EGLN3: variants seen among roughly 807,000 people sequenced by gnomAD.
The protein encoded by EGLN3 is egl-9 family hypoxia inducible factor 3, also known as prolyl hydroxylase EGLN3.
A neutral mutation model predicts 26.0 loss-of-function variants in EGLN3; 15 were observed. That is an observed-to-expected ratio of 0.58 (90% confidence interval 0.39 to 0.89). EGLN3 has a LOEUF of 0.89. Among genes scored for constraint, EGLN3 ranks in the 40% least tolerant of loss-of-function variants. EGLN3 has a pLI of 0.00. For synonymous variants in EGLN3, 147 were observed against 127.2 expected (o/e 1.16, Z -1.05); for missense variants, 238 against 311.6 (o/e 0.76, Z 1.78).
intron 1 of EGLN3, among the ~76,000 whole-genome samples, chr14:33,946,585 C>A (rs2064520090): frequency 6.6e-6 from 1 of 152,020 alleles, no homozygotes; most frequent in African/African-American, 2.4e-5. Flanking sequence ...GCACAGCATC[C>A]CACACAGGCT....
rs539083471 is a variant in EGLN3, at chr14:33,933,319, A to T, written c.358-2104T>A. ...TCAGCTCAGATTAAAATATTGAAAAAAAAAAAAAAGATGGATACAAACTCA... is the reference window on the plus strand; with the variant it reads ...TCAGCTCAGATTAAAATATTGAAAATAAAAAAAAAGATGGATACAAACTCA... On this transcript the variant is annotated intron_variant, in intron 1 of 4. Transcript: ENST00000250457. 3.3e-4 allele frequency among the ~76,000 whole-genome samples: 50 copies of T among 151,726 alleles called. No individual in the cohort carries two copies. In the Middle Eastern group the frequency reaches 0.01, roughly 31 times the overall value.
At chr14:33,931,780 G>A (rs190014864) in intron 1 of EGLN3, among the ~76,000 whole-genome samples, 27 of 152,302 alleles carry the variant, frequency 1.8e-4, no homozygotes, top group South Asian at 4.1e-4. Flanking sequence ...ATAGGAAGCC[G>A]CACCCTAACT....
intron 1 of EGLN3, among the ~76,000 whole-genome samples, chr14:33,940,817 T>G (rs746980793): frequency 6.6e-6 from 1 of 152,176 alleles, no homozygotes; most frequent in Non-Finnish European, 1.5e-5. Flanking sequence ...CTCTGGCAGT[T>G]TCTGGCATCA....
chr14:33,941,703 T>A (rs1285369984), intron 1 of EGLN3, among the ~76,000 whole-genome samples: 1 of 152,156 alleles, frequency 6.6e-6, no homozygotes, highest in Non-Finnish European at 1.5e-5. Context: ...CTTAACAGTC[T>A]CTGCATTCAA....
intron 2 of EGLN3, among the ~76,000 whole-genome samples, chr14:33,930,238 CCT>C (rs2064392675): frequency 6.6e-6 from 1 of 152,142 alleles, no homozygotes; most frequent in African/African-American, 2.4e-5. Context: ...TCTATCAGCA[CCT>C]CTCAAGATTT....
intron 1 of EGLN3, among the ~76,000 whole-genome samples, chr14:33,934,996 T>TC (rs2064431286): frequency 6.6e-6 from 1 of 152,346 alleles, no homozygotes; most frequent in East Asian, 1.9e-4. Context: ...AAATGCTAGA[T>TC]CCCCTCCAGC....
chr14:33,930,985 T>A, intron 2 of EGLN3, 111 bp downstream of exon 2: 2 of 1,432,834 alleles, frequency 1.4e-6, no homozygotes, highest in Non-Finnish European at 1.9e-6. Context: ...AAATGTTTCA[T>A]CAGTGGGAGA....
At chr14:33,945,401 G>A (rs1222825113) in intron 1 of EGLN3, among the ~76,000 whole-genome samples, 1 of 152,170 alleles carries the variant, frequency 6.6e-6, no homozygotes, top group African/African-American at 2.4e-5. Flanking sequence ...CTCCCACTGT[G>A]CCAGACTACG....
intron 1 of EGLN3, 115 bp from the exon 2 acceptor site, chr14:33,931,330 G>A: frequency 4.0e-6 from 6 of 1,483,572 alleles, no homozygotes; most frequent in Non-Finnish European, 2.7e-6. Flanking sequence ...ACATTTACAG[G>A]TAGTTGCTGG....
intron 1 of EGLN3, among the ~76,000 whole-genome samples, chr14:33,945,634 G>A (rs1350799535): frequency 6.6e-6 from 1 of 152,224 alleles, no homozygotes; most frequent in Non-Finnish European, 1.5e-5. Context: ...AAAGATGGAG[G>A]TCATGAGGCT....
At chr14:33,929,762 A>G (rs900727942) in intron 2 of EGLN3, among the ~76,000 whole-genome samples, 5 of 152,214 alleles carry the variant, frequency 3.3e-5, no homozygotes, top group Admixed American at 3.3e-4. Flanking sequence ...GACGTAAAAT[A>G]GAGTACTATT....
chr14:33,950,761 C>A lies in EGLN3; in HGVS notation c.-9G>T. On this transcript the variant is annotated 5_prime_UTR_variant, in exon 1 of 5. Transcript: ENST00000250457. Reference sequence around the variant, plus strand: ...ATGTGTCCCAGGGGCATCTCGCCCGCAGAATCGAGGTCCGGGATCCCCAGC... The same window carrying A: ...ATGTGTCCCAGGGGCATCTCGCCCGAAGAATCGAGGTCCGGGATCCCCAGC... 6.3e-7 allele frequency: 1 copy of A among 1,594,298 alleles called. No individual in the cohort carries two copies. Among genetic ancestry groups the A allele is most frequent in the Non-Finnish European group, 8.6e-7 (1 of 1,166,056 alleles).
chr14:33,945,449 C>T (rs191073421), intron 1 of EGLN3, among the ~76,000 whole-genome samples: 1 of 152,294 alleles, frequency 6.6e-6, no homozygotes, highest in Admixed American at 6.5e-5. Flanking sequence ...GACAATCAGA[C>T]TTTCTCCCAG....
At position 33,950,881 on chromosome 14, in the gene EGLN3, G is replaced by C. The variant is rs1171220655; in HGVS notation, c.-129C>G. The C allele has an allele frequency of 7.6e-6, 6 of 790,746 alleles. No homozygotes were observed. Among genetic ancestry groups the C allele is most frequent in the Non-Finnish European group, 1.2e-5 (6 of 480,924 alleles). The allele number at this position is 790,746 out of a possible 1,614,324, so 49.0% of individuals were successfully genotyped here. A position where few individuals can be genotyped will look rare whatever the true frequency, so the allele number is the denominator to read the frequency against. ...GAAACCTGCGGCTGCCACGGTACCC[G>C]AGCCGCTGCAGCGTCGGGGACAAGG... On this transcript the variant is annotated 5_prime_UTR_variant, in exon 1 of 5. Coordinates refer to ENST00000250457, the MANE Select transcript of EGLN3 (RefSeq NM_022073.4).
intron 1 of EGLN3, among the ~76,000 whole-genome samples, chr14:33,938,836 AC>A (rs1473636409): frequency 6.6e-6 from 1 of 152,216 alleles, no homozygotes; most frequent in Non-Finnish European, 1.5e-5. Flanking sequence ...CCTGAGTCAC[AC>A]CGCTCCAAGT....
chr14:33,939,015 G>C (rs2064461683), intron 1 of EGLN3, among the ~76,000 whole-genome samples: 1 of 152,256 alleles, frequency 6.6e-6, no homozygotes, highest in African/African-American at 2.4e-5. Context: ...GCATAACAGA[G>C]ACAAGGAATA....
At chr14:33,930,854 C>T (rs1479868966) in intron 2 of EGLN3, among the ~76,000 whole-genome samples, 1 of 152,170 alleles carries the variant, frequency 6.6e-6, no homozygotes, top group Non-Finnish European at 1.5e-5. Context: ...ATCAACCACC[C>T]TTCCCAGAGG....
intron 1 of EGLN3, among the ~76,000 whole-genome samples, chr14:33,944,084 C>T (rs1471553513): frequency 6.6e-6 from 1 of 152,078 alleles, no homozygotes; most frequent in Admixed American, 6.5e-5. Context: ...TCTGTCTGAC[C>T]CAGCCAGCGT....
rs2064436038 is a variant in EGLN3, at chr14:33,935,610, CA to C, written c.358-4396del. Among the ~76,000 whole-genome samples the C allele has an allele frequency of 2.8e-5, 4 of 140,476 alleles. No individual in the cohort carries two copies. The South Asian group carries it at 8.9e-4, about 31-fold the overall frequency. The allele number at this position is 140,476 out of a possible 152,430, so 92.2% of individuals were successfully genotyped here. A position where few individuals can be genotyped will look rare whatever the true frequency, so the allele number is the denominator to read the frequency against. On this transcript the variant is annotated intron_variant, in intron 1 of 4. Coordinates refer to ENST00000250457, the MANE Select transcript of EGLN3 (RefSeq NM_022073.4). ...ATACACACACACACACACACACACA[CA>C]CACACACACATATATATATATACAC...
Sources: gnomAD v4.1 joint callset for allele counts (sites outside exome capture counted in the v4.1 genomes callset) on GRCh38, gnomAD v4.1.1 for gene constraint, MANE v1.5 for transcripts, NCBI Gene and HGNC (gene_info 2026-07-23, HGNC 2026-07-21) for gene names.